The following CCNC variants were observed in gnomAD, a reference collection of about 807,000 sequenced individuals.
CCNC encodes the protein cyclin C.
CCNC carries 19 observed loss-of-function variants against 50.0 expected under a neutral mutation model. The observed-to-expected ratio is 0.38, with a 90% confidence interval of 0.27 to 0.56. The LOEUF (loss-of-function observed/expected upper bound fraction) is 0.56. CCNC is among the 20% of genes least tolerant of loss of function. The pLI, the probability that CCNC is intolerant of heterozygous loss-of-function variation, is 0.72. For missense variants in CCNC, 200 were observed against 327.1 expected (o/e 0.61, Z 3.00); for synonymous variants, 93 against 103.7 (o/e 0.90, Z 0.63).
chr6:99,565,490 A>G (rs926886115), intron 1 of CCNC, among the ~76,000 whole-genome samples: 2 of 151,976 alleles, frequency 1.3e-5, no homozygotes, highest in African/African-American at 4.8e-5. Context: ...TAACTTCTCA[A>G]TTAACTGAGT....
chr6:99,552,586 TA>T (rs1802347465), intron 5 of CCNC, among the ~76,000 whole-genome samples: 1 of 152,284 alleles, frequency 6.6e-6, no homozygotes, highest in African/African-American at 2.4e-5. Context: ...CCCATCTCCT[TA>T]AAATGGTGTG....
chr6:99,546,578 T>C, intron 9 of CCNC, 104 bp from the exon 10 acceptor site: 1 of 711,282 alleles, frequency 1.4e-6, no homozygotes, highest in Non-Finnish European at 2.5e-6. Context: ...CCAACACTCT[T>C]TAAAAAACAT....
chr6:99,565,029 T>G lies in CCNC; in HGVS notation c.33-2081A>C, dbSNP rs1454781224. 2.0e-5 allele frequency among the ~76,000 whole-genome samples: 3 copies of G among 152,104 alleles called. No individual in the cohort carries two copies. In the South Asian group the frequency reaches 6.2e-4, roughly 31 times the overall value. On this transcript the variant is annotated intron_variant, in intron 1 of 11. Transcript: ENST00000520429. Reference sequence around the variant, plus strand: ...TTCTATCATTATACTTGGATCTTCTTTATAATTTCCTATTTTTTTCTTCTT... The same window carrying G: ...TTCTATCATTATACTTGGATCTTCTGTATAATTTCCTATTTTTTTCTTCTT...
At position 99,562,929 on chromosome 6, in the gene CCNC, T is replaced by C; in HGVS notation, c.52A>G (p.Lys18Glu). The change falls in exon 2 of 12, where the codon AAA becomes GAA. Residue 18 changes from lysine (K) to glutamate (E), a missense_variant. Lys to Glu is a moderately conservative substitution (Grantham distance 56). Transcript: ENST00000520429. ...SSHYLQWILD[K>E]QDLLKERQKD... Reference sequence around the variant, plus strand: ...TGGCGCTCCTTCAACAGATCTTGTTTATCCAAAATCCATTGCAAACTAGAA... The same window carrying C: ...TGGCGCTCCTTCAACAGATCTTGTTCATCCAAAATCCATTGCAAACTAGAA... 1 of 1,604,396 alleles carries C rather than the reference T, an allele frequency of 6.2e-7. No homozygotes were observed. The highest frequency in any genetic ancestry group is 8.5e-7 in the Non-Finnish European group (1 of 1,176,106).
In CCNC at chr6:99,561,623, C is replaced by A. The variant is rs142699138; in HGVS notation, c.198G>T (p.Thr66=). 6 of 1,609,358 alleles carry A rather than the reference C, an allele frequency of 3.7e-6. No individual in the cohort carries two copies. The South Asian group carries it at 5.5e-5, about 15-fold the overall frequency. ...KLRQQVIATA[T]VYFKRFYARY... ...TGGCATAGAATCTCTTGAAATATAC[C>A]GTAGCAGTGGCAATAACTTGTTGTC... Residue 66 remains threonine, a synonymous_variant, in exon 3 of 12, where the codon ACG becomes ACT. Transcript: ENST00000520429.
intron 4 of CCNC, among the ~76,000 whole-genome samples, chr6:99,561,166 T>A (rs566591495): frequency 6.6e-6 from 1 of 152,326 alleles, no homozygotes; most frequent in South Asian, 2.1e-4. Context: ...AAAGATTAAG[T>A]CAGTTGGTAC....
intron 1 of CCNC, among the ~76,000 whole-genome samples, chr6:99,566,315 T>C (rs1769120772): frequency 6.6e-6 from 1 of 151,990 alleles, no homozygotes; most frequent in Non-Finnish European, 1.5e-5. Flanking sequence ...CTTAATATTA[T>C]TAAATAGAAT....
chr6:99,543,586 C>A lies in CCNC; in HGVS notation c.821G>T (p.Gly274Val). 5 of 1,613,234 alleles carry A rather than the reference C, an allele frequency of 3.1e-6. No homozygotes were observed. Among genetic ancestry groups the A allele is most frequent in the Non-Finnish European group, 4.2e-6 (5 of 1,179,482 alleles). The change falls in exon 12 of 12, where the codon GGA becomes GTA. Residue 274 changes from glycine to valine, a missense_variant. Coordinates refer to ENST00000520429, the MANE Select transcript of CCNC (RefSeq NM_005190.4). ...PNSEGEQGPN[G>V]SQNSSYSQS ...TTGGCTGTAGCTAGAGTTCTGACTT[C>A]CATTTGGACCCTGCTCTCCTTCACT...
intron 5 of CCNC, among the ~76,000 whole-genome samples, chr6:99,555,791 A>C (rs756710676): frequency 3.3e-5 from 5 of 152,140 alleles, no homozygotes; most frequent in Non-Finnish European, 5.9e-5. Context: ...TGCTGGCCTC[A>C]CATTTTTAAG....
At chr6:99,556,522 AAAAT>A (rs1221968926) in intron 5 of CCNC, among the ~76,000 whole-genome samples, 2 of 152,222 alleles carry the variant, frequency 1.3e-5, no homozygotes, top group African/African-American at 4.8e-5. Flanking sequence ...CTCATGTGTG[AAAAT>A]AAATAAAACT....
intron 6 of CCNC, 61 bp from the exon 7 acceptor site, chr6:99,551,089 T>C: frequency 2.3e-6 from 2 of 856,844 alleles, no homozygotes; most frequent in South Asian, 6.7e-5. Context: ...ATAAGTCCAC[T>C]TAATCTAACA....
Position 99,550,248 on chromosome 6 carries a change from C to T in CCNC, c.500G>A (p.Gly167Asp), listed in dbSNP as rs369260892. ...RPLLQYVQDM[G>D]QEDMLLPLAW... ...AAGGGGAAGCAACATGTCTTCTTGG[C>T]CCATGTCCTGCACATACTGGAGCAA... Residue 167 changes from glycine to aspartate, a missense_variant, in exon 8 of 12, where the codon GGC (glycine) becomes GAC (aspartate). Physicochemically the swap from Gly to Asp is moderately conservative, Grantham distance 94 (BLOSUM62 -1). Coordinates refer to ENST00000520429, the MANE Select transcript of CCNC (RefSeq NM_005190.4). The T allele has an allele frequency of 8.7e-6, 14 of 1,612,464 alleles. No homozygotes were observed. The highest frequency in any genetic ancestry group is 1.2e-5 in the Non-Finnish European group (14 of 1,179,090).
At chr6:99,568,728 C>G (rs1769272182), upstream of CCNC, 4 of 1,410,276 alleles carry the variant, frequency 2.8e-6, no homozygotes, top group South Asian at 1.6e-5. Context: ...TGTGCAAACC[C>G]GTTCCTATCG....
chr6:99,547,016 G>A (rs1054113660), intron 9 of CCNC, among the ~76,000 whole-genome samples: 4 of 151,882 alleles, frequency 2.6e-5, no homozygotes, highest in South Asian at 4.2e-4. Flanking sequence ...ATCAAATAAA[G>A]GTTAGAAAAT....
intron 10 of CCNC, 56 bp from the exon 11 acceptor site, chr6:99,545,286 A>G (rs1409890051): frequency 1.2e-6 from 1 of 851,506 alleles, no homozygotes. Flanking sequence ...CATTTTTTAT[A>G]TAAAGAGCAT....
intron 9 of CCNC, among the ~76,000 whole-genome samples, chr6:99,548,100 C>T (rs780585262): frequency 6.6e-6 from 1 of 152,040 alleles, no homozygotes; most frequent in Non-Finnish European, 1.5e-5. Context: ...GGATGCCAAG[C>T]GGAGCTATGT....
chr6:99,556,883 T>C (rs553817812), intron 5 of CCNC, among the ~76,000 whole-genome samples: 1 of 152,240 alleles, frequency 6.6e-6, no homozygotes, highest in Non-Finnish European at 1.5e-5. Flanking sequence ...ATCGTGCCAC[T>C]GCACTCCAGC....
At chr6:99,552,898 C>T (rs1259713337) in intron 5 of CCNC, among the ~76,000 whole-genome samples, 3 of 152,002 alleles carry the variant, frequency 2.0e-5, no homozygotes, top group Admixed American at 2.0e-4. Flanking sequence ...AAAAATTAGG[C>T]GAGTGTAGTG....
intron 11 of CCNC, chr6:99,543,970 TA>T (rs1486028533): frequency 8.2e-7 from 1 of 1,217,768 alleles, no homozygotes; most frequent in Admixed American, 3.9e-5. Context: ...ATCTTACATA[TA>T]AAATCCTATT....
Sources: allele counts gnomAD v4.1 joint callset (sites outside exome capture counted in the v4.1 genomes callset), GRCh38; gene constraint gnomAD v4.1.1; transcripts MANE v1.5; gene names NCBI Gene and HGNC (gene_info 2026-07-23, HGNC 2026-07-21).